The following CFAP43 variants were observed in gnomAD, a reference collection of about 807,000 sequenced individuals.
CFAP43 encodes cilia and flagella associated protein 43.
CFAP43 carries 155 observed loss-of-function variants against 218.9 expected under a neutral mutation model. The ratio of observed to expected loss-of-function variants is 0.71; its 90% CI spans 0.62 to 0.81. The LOEUF (loss-of-function observed/expected upper bound fraction) is 0.81. CFAP43 is among the 30% of genes least tolerant of loss of function. The pLI is 0.00. For synonymous variants in CFAP43, 645 were observed against 681.3 expected, an observed-to-expected ratio of 0.95 and a Z score of 0.83; for missense variants, 1,778 against 1,954.3, an observed-to-expected ratio of 0.91 and a Z score of 1.70.
Position 104,161,062 on chromosome 10 carries a change from T to C in CFAP43, c.3515A>G (p.Asn1172Ser), listed in dbSNP as rs759122938. 2.5e-6 allele frequency: 4 copies of C among 1,610,680 alleles called. No individual in the cohort carries two copies. Among genetic ancestry groups the C allele is most frequent in the Non-Finnish European group, 2.5e-6 (3 of 1,177,344 alleles). ...CTTTCTATACTTATCTCTTTCTTCA[T>C]TTAACTCCTTTACTTTTTTCTCATA... ...KDYEKKVKEL[N>S]EERDKYRKSL... The change falls in exon 27 of 38, where the codon AAT becomes AGT. Residue 1172 changes from asparagine (N) to serine (S), a missense_variant. Asn to Ser is a conservative substitution (Grantham distance 46). This residue lies in a region of CFAP43 where 1,553 missense variants were observed against 1,685.2 expected (regional missense o/e 0.92). Transcript: ENST00000357060.
At chr10:104,215,136 A>AAAAT (rs34704967) in intron 3 of CFAP43, among the ~76,000 whole-genome samples, 36,154 of 146,336 alleles carry the variant, frequency 0.25, 4,737 homozygotes, top group African/African-American at 0.31. Flanking sequence ...CTCCATCTCA[A>AAAAT]AAATAAATAA....
In CFAP43 at chr10:104,168,930, G is replaced by C. The variant is rs879223425; in HGVS notation, c.2587-82C>G. 1.1e-5 allele frequency: 13 copies of C among 1,170,750 alleles called. No individual in the cohort carries two copies. In the Admixed American group the frequency reaches 2.3e-4, roughly 21 times the overall value. 72.5% of individuals were successfully genotyped at this position (1,170,750 alleles called of 1,614,324 possible). On this transcript the variant is annotated intron_variant, in intron 20 of 37. Transcript: ENST00000357060. ...ATAATCTCCATTGTAAACTCACTAA[G>C]TAGCCATTAACTGCACCTTCAGTGG... is the stretch of plus-strand genomic sequence containing the variant.
intron 8 of CFAP43, among the ~76,000 whole-genome samples, chr10:104,201,942 C>A (rs1295952744): frequency 6.6e-6 from 1 of 152,090 alleles, no homozygotes; most frequent in Non-Finnish European, 1.5e-5. Context: ...GTATAGAATT[C>A]TAGGTGGTAA....
rs572989418 is a variant in CFAP43 at position 104,161,292 on chromosome 10, T to G, written c.3415-130A>C. On this transcript the variant is annotated intron_variant, in intron 26 of 37. Transcript: ENST00000357060. ...CTTCACATTGGCAAGGAAAACGACCTGACATCTTGGGCAAAAGATATTTTA... is the reference window on the plus strand; with the variant it reads ...CTTCACATTGGCAAGGAAAACGACCGGACATCTTGGGCAAAAGATATTTTA... The G allele has an allele frequency of 1.4e-5, 14 of 970,598 alleles. No homozygotes were observed. In the Admixed American group the frequency reaches 3.2e-4, roughly 22 times the overall value. 60.1% of individuals were successfully genotyped at this position (970,598 alleles called of 1,614,324 possible). A position where few individuals can be genotyped will look rare whatever the true frequency, so the allele number is the denominator to read the frequency against.
intron 5 of CFAP43, 112 bp downstream of exon 5, chr10:104,211,895 G>T (rs1039309722): frequency 6.3e-5 from 79 of 1,253,948 alleles, no homozygotes; most frequent in Non-Finnish European, 8.4e-5. Flanking sequence ...TAAAAACCAA[G>T]ATGATCCTCT....
chr10:104,146,238 G>T, intron 30 of CFAP43, 25 bp downstream of exon 30: 1 of 1,594,392 alleles, frequency 6.3e-7, no homozygotes, highest in South Asian at 1.1e-5. Flanking sequence ...CTGCATTGTT[G>T]AGTGGGTAAG....
intron 15 of CFAP43, 61 bp from the exon 16 acceptor site, chr10:104,185,207 TAATGGGGTTATATGCCCC>T: frequency 6.2e-7 from 1 of 1,600,974 alleles, no homozygotes; most frequent in Non-Finnish European, 8.5e-7. Context: ...ACGGCTTTTC[TAATGGGGTTATATGCCCC>T]TTTTTTGTGG....
chr10:104,161,922 C>A (rs750199350), intron 26 of CFAP43, 39 bp downstream of exon 26: 4 of 1,581,894 alleles, frequency 2.5e-6, no homozygotes, highest in South Asian at 1.2e-5. Context: ...GCTCTTTCCA[C>A]CCCATTCCAC....
intron 27 of CFAP43, among the ~76,000 whole-genome samples, chr10:104,155,392 T>G (rs1366789807): frequency 6.6e-6 from 1 of 152,208 alleles, no homozygotes; most frequent in Non-Finnish European, 1.5e-5. Context: ...TACCAGTGGC[T>G]GATCTAAGTC....
At chr10:104,209,643 T>C (rs142623948) in intron 5 of CFAP43, among the ~76,000 whole-genome samples, 1 of 152,342 alleles carries the variant, frequency 6.6e-6, no homozygotes, top group African/African-American at 2.4e-5. Flanking sequence ...ATGTGAAATA[T>C]AAGGGCTCCT....
rs936246692 is a variant in CFAP43 at position 104,211,856 on chromosome 10, C to T, written c.735+151G>A. ...AAACTCAAAACTCCAGAGTCTTCATCTCTCACAGTCTCTGTGGCTAATCTA... is the reference window on the plus strand; with the variant it reads ...AAACTCAAAACTCCAGAGTCTTCATTTCTCACAGTCTCTGTGGCTAATCTA... On this transcript the variant is annotated intron_variant, in intron 5 of 37. Transcript: ENST00000357060. 15 of 823,504 alleles carry T rather than the reference C, an allele frequency of 1.8e-5. No homozygotes were observed. In the African/African-American group the frequency reaches 2.7e-4, roughly 15 times the overall value. The allele number at this position is 823,504 out of a possible 1,614,324, so 51.0% of individuals were successfully genotyped here.
chr10:104,132,092 A>G, intron 36 of CFAP43, 24 bp downstream of exon 36: 1 of 1,543,362 alleles, frequency 6.5e-7, no homozygotes, highest in Non-Finnish European at 8.8e-7. Context: ...TTAGGATATA[A>G]TAACCAACGT....
chr10:104,230,557 A>C (rs2135021764), intron 2 of CFAP43, 33 bp downstream of exon 2: 2 of 1,577,176 alleles, frequency 1.3e-6, no homozygotes, highest in Middle Eastern at 3.4e-4. Flanking sequence ...AAAATCCTTC[A>C]ATTATGGGCA....
chr10:104,189,156 C>T (rs1192323488), intron 12 of CFAP43, among the ~76,000 whole-genome samples: 1 of 152,166 alleles, frequency 6.6e-6, no homozygotes, highest in East Asian at 1.9e-4. Flanking sequence ...AATGTAACCC[C>T]TCCCTGTCTG....
chr10:104,184,897 C>T, intron 16 of CFAP43, 119 bp downstream of exon 16: 2 of 1,454,178 alleles, frequency 1.4e-6, no homozygotes, highest in East Asian at 2.5e-5. Context: ...GTATAACAAA[C>T]TTTCTTTGCA....
intron 3 of CFAP43, among the ~76,000 whole-genome samples, chr10:104,224,833 A>C (rs1458406080): frequency 6.6e-6 from 1 of 152,118 alleles, no homozygotes; most frequent in Non-Finnish European, 1.5e-5. Flanking sequence ...TTTGTATAAG[A>C]AATGTTAGTA....
At chr10:104,182,295 C>A in intron 17 of CFAP43, 71 bp downstream of exon 17, 4 of 1,442,122 alleles carry the variant, frequency 2.8e-6, no homozygotes, top group South Asian at 3.3e-5. Context: ...TAAAGAAAAC[C>A]ACAAACCGAA....
intron 27 of CFAP43, among the ~76,000 whole-genome samples, chr10:104,159,281 G>C (rs1029001405): frequency 3.9e-5 from 6 of 152,132 alleles, no homozygotes; most frequent in Non-Finnish European, 8.8e-5. Flanking sequence ...GAGGCCAAAG[G>C]AGTTGGGTTT....
intron 27 of CFAP43, among the ~76,000 whole-genome samples, chr10:104,159,508 T>C (rs1043361858): frequency 6.6e-6 from 1 of 151,898 alleles, no homozygotes; most frequent in African/African-American, 2.4e-5. Flanking sequence ...AGTAATGACA[T>C]TGAGTAGGTG....
Sources: allele counts gnomAD v4.1 joint callset (sites outside exome capture counted in the v4.1 genomes callset), GRCh38; gene constraint gnomAD v4.1.1; regional missense constraint gnomAD v4.1.1; transcripts MANE v1.5; gene names NCBI Gene and HGNC (gene_info 2026-07-23, HGNC 2026-07-21).